Variants in PHLDA3 observed in about 807,000 individuals in gnomAD.
The protein encoded by PHLDA3 is pleckstrin homology like domain family A member 3.
Under a neutral mutation model 7.6 loss-of-function variants are expected in PHLDA3, and 12 were observed. The ratio of observed to expected loss-of-function variants is 1.58; its 90% CI spans 1.01 to 2.55. PHLDA3 has a LOEUF of 2.55. PHLDA3 is among the 30% of genes most tolerant of loss of function. The pLI, the probability that PHLDA3 is intolerant of heterozygous loss-of-function variation, is 0.00. For missense variants in PHLDA3, 177 were observed against 175.6 expected (o/e 1.01, Z -0.05); for synonymous variants, 104 against 85.1 (o/e 1.22, Z -1.23).
At chr1:201,468,320 C>T in intron 1 of PHLDA3, 21 bp downstream of exon 1, 2 of 1,460,602 alleles carry the variant, frequency 1.4e-6, no homozygotes, top group Non-Finnish European at 9.4e-7. Flanking sequence ...GAGAAGAGGG[C>T]CCAGTCCCCC....
At chr1:201,467,854 C>T (rs1409322214) in intron 1 of PHLDA3, among the ~76,000 whole-genome samples, 1 of 152,318 alleles carries the variant, frequency 6.6e-6, no homozygotes, top group East Asian at 1.9e-4. Context: ...CAATTCAATG[C>T]TCAAACTTTA....
chr1:201,468,803 G>A lies in PHLDA3; in HGVS notation c.-17C>T. 1 of 1,531,830 alleles carries A rather than the reference G, an allele frequency of 6.5e-7. No individual in the cohort carries two copies. The highest frequency in any genetic ancestry group is 1.4e-5 in the African/African-American group (1 of 71,962). 94.9% of individuals were successfully genotyped at this position (1,531,830 alleles called of 1,614,324 possible). A position where few individuals can be genotyped will look rare whatever the true frequency, so the allele number is the denominator to read the frequency against. On this transcript the variant is annotated 5_prime_UTR_variant, in exon 1 of 2. Transcript: ENST00000367311. ...CGCCGTCATGGGCGCCCCGAGGTTC[G>A]CGGAAAGCTCCAGGCTGCGGCGGGC...
In PHLDA3 at chr1:201,469,124, G is replaced by A. The variant is rs1263351755; in HGVS notation, c.-338C>T. On this transcript the variant is annotated 5_prime_UTR_variant, in exon 1 of 2. Transcript: ENST00000367311. ...CGCCCGCCCGTTCTCTTGCTCCCCT[G>A]GGCTCTGTCTGCGCGCTGGGCGGCA... The A allele has an allele frequency of 5.8e-5, 15 of 257,716 alleles. No homozygotes were observed. The highest frequency in any genetic ancestry group is 1.1e-4 in the Non-Finnish European group (15 of 137,176). The allele number at this position is 257,716 out of a possible 1,614,324, so 16.0% of individuals were successfully genotyped here. A position where few individuals can be genotyped will look rare whatever the true frequency, so the allele number is the denominator to read the frequency against.
rs542750240 is a variant in PHLDA3 at position 201,465,279 on chromosome 1, T to C, written c.*962A>G. ...TAGCCTCCTGTAGAAGAGACATTCATAGGGACTGAACTGACCAGCTTGACA... is the reference window on the plus strand; with the variant it reads ...TAGCCTCCTGTAGAAGAGACATTCACAGGGACTGAACTGACCAGCTTGACA... On this transcript the variant is annotated 3_prime_UTR_variant, in exon 2 of 2. Transcript: ENST00000367311. The C allele has an allele frequency of 3.9e-5, 6 of 152,374 alleles. No individual in the cohort carries two copies. Among genetic ancestry groups the C allele is most frequent in the East Asian group, 1.9e-4 (1 of 5,174 alleles). The allele number at this position is 152,374 out of a possible 1,614,324, so 9.4% of individuals were successfully genotyped here.
At chr1:201,467,154 A>G (rs551243829) in intron 1 of PHLDA3, among the ~76,000 whole-genome samples, 10 of 152,178 alleles carry the variant, frequency 6.6e-5, no homozygotes, top group African/African-American at 2.4e-4. Context: ...CTACAAAAAA[A>G]AAAATTAGCC....
In PHLDA3 at chr1:201,468,831, G is replaced by GGC; in HGVS notation, c.-47_-46dup. 6.8e-7 allele frequency: 1 copy of GGC among 1,471,920 alleles called. No homozygotes were observed. Among genetic ancestry groups the GGC allele is most frequent in the South Asian group, 1.3e-5 (1 of 74,796 alleles). The allele number at this position is 1,471,920 out of a possible 1,614,324, so 91.2% of individuals were successfully genotyped here. Reference sequence around the variant, plus strand: ...GAAAGCTCCAGGCTGCGGCGGGCGCGGCGCCCCTCTCGGCCCCGCAGCGCA... The same window carrying GGC: ...GAAAGCTCCAGGCTGCGGCGGGCGCGGCGCGCCCCTCTCGGCCCCGCAGCGCA... On this transcript the variant is annotated 5_prime_UTR_variant, in exon 1 of 2. Transcript: ENST00000367311.
chr1:201,468,573 A>C lies in PHLDA3; in HGVS notation c.214T>G (p.Tyr72Asp). Residue 72 changes from tyrosine (Y) to aspartate (D), a missense_variant, in exon 1 of 2, where the codon TAC (tyrosine) becomes GAC (aspartate). Coordinates refer to ENST00000367311, the MANE Select transcript of PHLDA3 (RefSeq NM_012396.5). The part of the protein sequence containing the change: ...ECVESTGRHI[Y>D]FTLVTEGGGE... The stretch of plus-strand genomic sequence containing the variant: ...CCCCCTTCGGTCACCAGCGTGAAGT[A>C]GATGTGGCGCCCGGTGCTCTCCACG... The C allele has an allele frequency of 6.2e-7, 1 of 1,614,016 alleles. No homozygotes were observed. Among genetic ancestry groups the C allele is most frequent in the Non-Finnish European group, 8.5e-7 (1 of 1,180,042 alleles).
chr1:201,468,894 G>C lies in PHLDA3; in HGVS notation c.-108C>G. 8.3e-7 allele frequency: 1 copy of C among 1,206,268 alleles called. No homozygotes were observed. Among genetic ancestry groups the C allele is most frequent in the Non-Finnish European group, 1.1e-6 (1 of 928,266 alleles). 74.7% of individuals were successfully genotyped at this position (1,206,268 alleles called of 1,614,324 possible). ...CCCGGGCTGGCAGGCCGTGCGCGCT[G>C]CCCACCTGCGCCCTGACTGCTCCGC... On this transcript the variant is annotated 5_prime_UTR_variant, in exon 1 of 2. Transcript: ENST00000367311.
intron 1 of PHLDA3, among the ~76,000 whole-genome samples, chr1:201,467,215 G>A (rs972262994): frequency 1.3e-5 from 2 of 152,160 alleles, no homozygotes; most frequent in Non-Finnish European, 1.5e-5. Context: ...GCTGAGGTGG[G>A]AGGATCGCTT....
rs987811104 is a variant in PHLDA3 at position 201,464,365 on chromosome 1, G to A, written c.*1876C>T. On this transcript the variant is annotated 3_prime_UTR_variant, in exon 2 of 2. Coordinates refer to ENST00000367311, the MANE Select transcript of PHLDA3 (RefSeq NM_012396.5). ...CCATGGTGGGATTAAGCCACCCATG[G>A]ACAATTGTACAATTGGATACAGTAA... The A allele has an allele frequency of 3.9e-5, 6 of 152,024 alleles. No individual in the cohort carries two copies. Among genetic ancestry groups the A allele is most frequent in the African/African-American group, 1.5e-4 (6 of 41,330 alleles). 9.4% of individuals were successfully genotyped at this position (152,024 alleles called of 1,614,324 possible). A position where few individuals can be genotyped will look rare whatever the true frequency, so the allele number is the denominator to read the frequency against.
rs1449842641 is a variant in PHLDA3, at chr1:201,468,534, A to T, written c.253T>A (p.Phe85Ile). 1 of 1,614,086 alleles carries T rather than the reference A, an allele frequency of 6.2e-7. No homozygotes were observed. Among genetic ancestry groups the T allele is most frequent in the Non-Finnish European group, 8.5e-7 (1 of 1,180,004 alleles). ...CCGGGATCTTCCAGGGGGCAGCGGAAGTCGATCTCGCCGCCCCCTTCGGTC... is the reference window on the plus strand; with the variant it reads ...CCGGGATCTTCCAGGGGGCAGCGGATGTCGATCTCGCCGCCCCCTTCGGTC... ...LVTEGGGEID[F>I]RCPLEDPGWN... The change falls in exon 1 of 2, where the codon TTC (phenylalanine) becomes ATC (isoleucine). Residue 85 changes from phenylalanine (F) to isoleucine (I), a missense_variant. By Grantham distance (21) the Phe-to-Ile change is conservative. Coordinates refer to ENST00000367311, the MANE Select transcript of PHLDA3 (RefSeq NM_012396.5).
chr1:201,468,676 C>A lies in PHLDA3; in HGVS notation c.111G>T (p.Gly37=), dbSNP rs753819022. Residue 37 remains glycine (G), a synonymous_variant, in exon 1 of 2, where the codon GGG becomes GGT. Coordinates refer to ENST00000367311, the MANE Select transcript of PHLDA3 (RefSeq NM_012396.5). ...TGCCCTTGGCCTCGAAGAGCTGCAG[C>A]CCGCGTTCGGTGAGGACGCAGCGCT... ...KRKRCVLTER[G]LQLFEAKGTG... The A allele has an allele frequency of 1.9e-6, 3 of 1,612,186 alleles. No individual in the cohort carries two copies. The highest frequency in any genetic ancestry group is 2.5e-6 in the Non-Finnish European group (3 of 1,179,774).
Position 201,468,485 on chromosome 1 carries a change from C to T in PHLDA3, c.302G>A (p.Gly101Asp). ...DPGWNAQITL[G>D]LVKFKNQQAI... ...CTGCTGGTTCTTGAACTTGACCAGG[C>T]CTAGGGTGATCTGGGCGTTCCAGCC... Residue 101 changes from glycine (G) to aspartate (D), a missense_variant, in exon 1 of 2, where the codon GGC becomes GAC. Coordinates refer to ENST00000367311, the MANE Select transcript of PHLDA3 (RefSeq NM_012396.5). 1 of 1,614,170 alleles carries T rather than the reference C, an allele frequency of 6.2e-7. No individual in the cohort carries two copies. Among genetic ancestry groups the T allele is most frequent in the South Asian group, 1.1e-5 (1 of 91,088 alleles).
chr1:201,468,957 G>A lies in PHLDA3; in HGVS notation c.-171C>T, dbSNP rs1321478499. On this transcript the variant is annotated 5_prime_UTR_variant, in exon 1 of 2. Transcript: ENST00000367311. ...CGGCCCTCAGCACCCGGCTGCCGGT[G>A]AGGTGGTGTCGGTGCCCCCAGCGCG... 1 of 652,708 alleles carries A rather than the reference G, an allele frequency of 1.5e-6. No homozygotes were observed. Among genetic ancestry groups the A allele is most frequent in the Non-Finnish European group, 2.2e-6 (1 of 459,218 alleles). The allele number at this position is 652,708 out of a possible 1,614,324, so 40.4% of individuals were successfully genotyped here.
chr1:201,467,045 T>G (rs1663680358), intron 1 of PHLDA3, among the ~76,000 whole-genome samples: 1 of 152,070 alleles, frequency 6.6e-6, no homozygotes, highest in Non-Finnish European at 1.5e-5. Flanking sequence ...GTGTGGTGGC[T>G]TACACCTGTA....
rs1663761758 is a variant in PHLDA3 at position 201,469,058 on chromosome 1, C to T, written c.-272G>A. On this transcript the variant is annotated 5_prime_UTR_variant, in exon 1 of 2. Coordinates refer to ENST00000367311, the MANE Select transcript of PHLDA3 (RefSeq NM_012396.5). ...CCAGCTGGCCCAGCCCGACCCGCCT[C>T]TGCCAGATGCCTCCGCGCCTCCCTA... 2.7e-6 allele frequency: 1 copy of T among 369,056 alleles called. No homozygotes were observed. 22.9% of individuals were successfully genotyped at this position (369,056 alleles called of 1,614,324 possible).
Position 201,468,333 on chromosome 1 carries a change from G to A in PHLDA3, c.*62+8C>T, listed in dbSNP as rs1042128632. 2 of 1,558,520 alleles carry A rather than the reference G, an allele frequency of 1.3e-6. No homozygotes were observed. Among genetic ancestry groups the A allele is most frequent in the Non-Finnish European group, 1.8e-6 (2 of 1,142,236 alleles). ...GAGAGAAGAGGGCCCAGTCCCCCGG[G>A]GGCTTACCTGCCTTGACCTCAGCAC... On this transcript the variant is annotated splice_region_variant and intron_variant, in intron 1 of 1. Coordinates refer to ENST00000367311, the MANE Select transcript of PHLDA3 (RefSeq NM_012396.5).
chr1:201,468,385 GAT>G lies in PHLDA3; in HGVS notation c.*16_*17del. The G allele has an allele frequency of 6.2e-7, 1 of 1,613,600 alleles. No individual in the cohort carries two copies. The highest frequency in any genetic ancestry group is 1.1e-5 in the South Asian group (1 of 90,960). ...GAGGTGGTGGGTAGCATGAAGGAAAGATGGTGCGCCCGGTGGTTTAGGACACG... is the reference window on the plus strand; with the variant it reads ...GAGGTGGTGGGTAGCATGAAGGAAAGGGTGCGCCCGGTGGTTTAGGACACG... On this transcript the variant is annotated 3_prime_UTR_variant, in exon 1 of 2. Coordinates refer to ENST00000367311, the MANE Select transcript of PHLDA3 (RefSeq NM_012396.5).
At position 201,468,631 on chromosome 1, in the gene PHLDA3, C is replaced by G. The variant is rs746458295; in HGVS notation, c.156G>C (p.Glu52Asp). The G allele has an allele frequency of 6.2e-6, 10 of 1,613,266 alleles. No homozygotes were observed. The East Asian group carries it at 8.9e-5, about 14-fold the overall frequency. ...CGGCCTTGATGCGGGCGAAGCTGAG[C>G]TCCTTGGGCCGGCCGCCCGTGCCCT... The part of the protein sequence containing the change: ...EAKGTGGRPK[E>D]LSFARIKAVE... Residue 52 changes from glutamate to aspartate, a missense_variant, in exon 1 of 2, where the codon GAG becomes GAC. Transcript: ENST00000367311.
Sources: gnomAD v4.1 joint callset for allele counts (sites outside exome capture counted in the v4.1 genomes callset) on GRCh38, gnomAD v4.1.1 for gene constraint, MANE v1.5 for transcripts, NCBI Gene and HGNC (gene_info 2026-07-23, HGNC 2026-07-21) for gene names.